Variants in LIN7A observed in about 807,000 individuals in gnomAD.
LIN7A encodes lin-7 cell polarity scaffold A, also known as protein lin-7 homolog A.
In LIN7A, 25 loss-of-function variants were observed where a neutral mutation model predicts 29.8. The ratio of observed to expected loss-of-function variants is 0.84; its 90% CI spans 0.61 to 1.17. The LOEUF (loss-of-function observed/expected upper bound fraction) is 1.17. Among genes scored for constraint, LIN7A ranks in the 50% most tolerant of loss-of-function variants. The pLI is 0.00. For missense variants in LIN7A, 239 were observed against 287.0 expected, an observed-to-expected ratio of 0.83 and a Z score of 1.21; for synonymous variants, 118 against 107.5, an observed-to-expected ratio of 1.10 and a Z score of -0.60.
At chr12:80,857,070 T>C (rs1398913781) in intron 2 of LIN7A, among the ~76,000 whole-genome samples, 1 of 152,170 alleles carries the variant, frequency 6.6e-6, no homozygotes, top group Non-Finnish European at 1.5e-5. Context: ...ATTGATAGTG[T>C]CTCTCAAAGG....
At chr12:80,931,858 CAT>C (rs947697922) in intron 1 of LIN7A, among the ~76,000 whole-genome samples, 9 of 152,250 alleles carry the variant, frequency 5.9e-5, no homozygotes, top group African/African-American at 2.2e-4. Flanking sequence ...GGACAAGAGA[CAT>C]AAAATATAGT....
At position 80,937,748 on chromosome 12, in the gene LIN7A, AAGG is replaced by A. The variant is rs772746210; in HGVS notation, c.-29_-27del. 4 of 1,151,688 alleles carry A rather than the reference AAGG, an allele frequency of 3.5e-6. No individual in the cohort carries two copies. The highest frequency in any genetic ancestry group is 1.7e-5 in the South Asian group (1 of 60,174). 71.3% of individuals were successfully genotyped at this position (1,151,688 alleles called of 1,614,324 possible). On this transcript the variant is annotated 5_prime_UTR_variant, in exon 1 of 6. Coordinates refer to ENST00000552864, the MANE Select transcript of LIN7A (RefSeq NM_004664.4). ...CAGCAACCGCTCGTAGTGAGAAAAA[AAGG>A]AGGAGATTGGGGGCGGGGGTGGAGA...
intron 1 of LIN7A, among the ~76,000 whole-genome samples, chr12:80,918,852 C>A (rs1877154801): frequency 6.6e-6 from 1 of 152,202 alleles, no homozygotes; most frequent in Admixed American, 6.5e-5. Context: ...TGAGGAGCTG[C>A]ATATATGATA....
At chr12:80,856,211 AGAAT>A (rs1427647932) in intron 2 of LIN7A, among the ~76,000 whole-genome samples, 2 of 152,230 alleles carry the variant, frequency 1.3e-5, no homozygotes, top group Non-Finnish European at 1.5e-5. Context: ...CAAGAAGGAT[AGAAT>A]TTCCAGAGTA....
rs1025717468 is a variant in LIN7A, at chr12:80,819,183, C to T, written c.484-7500G>A. Among the ~76,000 whole-genome samples the T allele has an allele frequency of 9.9e-5, 15 of 152,246 alleles. No individual in the cohort carries two copies. The South Asian group carries it at 1.0e-3, about 11-fold the overall frequency. ...TTCTATTATTGTTGTTAATCTCTTA[C>T]TGTGCCTCATTTATAAATTAAACCA... On this transcript the variant is annotated intron_variant, in intron 4 of 5. Coordinates refer to ENST00000552864, the MANE Select transcript of LIN7A (RefSeq NM_004664.4).
At chr12:80,846,378 A>T (rs998001944) in intron 3 of LIN7A, among the ~76,000 whole-genome samples, 1 of 152,196 alleles carries the variant, frequency 6.6e-6, no homozygotes. Flanking sequence ...TGGTGCTTGC[A>T]CATAAAAGTT....
At chr12:80,818,435 G>T (rs1375886291) in intron 4 of LIN7A, among the ~76,000 whole-genome samples, 1 of 152,254 alleles carries the variant, frequency 6.6e-6, no homozygotes, top group Admixed American at 6.5e-5. Flanking sequence ...GTAATGAAAA[G>T]GTTAAGAAAT....
chr12:80,841,604 C>T (rs1207562999), intron 4 of LIN7A: 1 of 152,126 alleles, frequency 6.6e-6, no homozygotes, highest in Non-Finnish European at 1.5e-5. Context: ...TTTAGTTGTT[C>T]CTCCCTGATT....
In LIN7A at chr12:80,810,541, C is replaced by G. The variant is rs967583391; in HGVS notation, c.*924G>C. ...TCATATCTTAGCTGTTGTAATAATG[C>G]TGTATTGAACATGGGAGTGTAAACA... On this transcript the variant is annotated intron_variant, in intron 5 of 5. Coordinates refer to ENST00000552864, the MANE Select transcript of LIN7A (RefSeq NM_004664.4). Among the ~76,000 whole-genome samples, 3 of 152,016 alleles carry G rather than the reference C, an allele frequency of 2.0e-5. No individual in the cohort carries two copies. The East Asian group carries it at 5.8e-4, about 29-fold the overall frequency.
intron 1 of LIN7A, among the ~76,000 whole-genome samples, chr12:80,934,441 A>G (rs1269727585): frequency 6.6e-6 from 1 of 152,192 alleles, no homozygotes; most frequent in African/African-American, 2.4e-5. Context: ...GAAAATCTGT[A>G]ATCACCTTGT....
At chr12:80,936,817 T>C (rs1878250469) in intron 1 of LIN7A, 1 of 152,242 alleles carries the variant, frequency 6.6e-6, no homozygotes, top group African/African-American at 2.4e-5. Flanking sequence ...AGGTCAGAAG[T>C]TGAATTTTAA....
At chr12:80,920,561 G>A (rs757220557) in intron 1 of LIN7A, among the ~76,000 whole-genome samples, 3 of 152,142 alleles carry the variant, frequency 2.0e-5, no homozygotes, top group Non-Finnish European at 4.4e-5. Flanking sequence ...AGCAAAATAG[G>A]CAAAGGCTCA....
At chr12:80,836,324 G>A (rs553104377) in intron 4 of LIN7A, among the ~76,000 whole-genome samples, 1 of 152,212 alleles carries the variant, frequency 6.6e-6, no homozygotes, top group South Asian at 2.1e-4. Context: ...CTTAATCTCA[G>A]TTTAAATGTC....
At chr12:80,936,456 G>T (rs1395645352) in intron 1 of LIN7A, 3 of 152,168 alleles carry the variant, frequency 2.0e-5, no homozygotes, top group Admixed American at 6.5e-5. Context: ...CTTGCCCATC[G>T]TTCAGTTTAA....
At chr12:80,875,974 A>T (rs1160920784) in intron 2 of LIN7A, among the ~76,000 whole-genome samples, 1 of 152,126 alleles carries the variant, frequency 6.6e-6, no homozygotes, top group African/African-American at 2.4e-5. Context: ...CAGAATTGGA[A>T]TCAACATGAC....
At chr12:80,823,590 C>T (rs1371435348) in intron 4 of LIN7A, among the ~76,000 whole-genome samples, 1 of 152,206 alleles carries the variant, frequency 6.6e-6, no homozygotes, top group East Asian at 1.9e-4. Context: ...CCCTGGTAGG[C>T]ACAGGATCCA....
Position 80,794,111 on chromosome 12 carries a change from T to C in LIN7A, c.*3616A>G, listed in dbSNP as rs549837635. ...TAACCATGAAACTTAGAAATCATAGTGACAATCAGTATAATATAAGCTGGT... is the reference window on the plus strand; with the variant it reads ...TAACCATGAAACTTAGAAATCATAGCGACAATCAGTATAATATAAGCTGGT... On this transcript the variant is annotated 3_prime_UTR_variant, in exon 6 of 6. Transcript: ENST00000552864. 6.6e-6 allele frequency: 1 copy of C among 152,332 alleles called. No homozygotes were observed. The highest frequency in any genetic ancestry group is 6.5e-5 in the Admixed American group (1 of 15,298). 9.4% of individuals were successfully genotyped at this position (152,332 alleles called of 1,614,324 possible).
intron 4 of LIN7A, among the ~76,000 whole-genome samples, chr12:80,830,372 C>G (rs1872287571): frequency 6.6e-6 from 1 of 152,064 alleles, no homozygotes; most frequent in Non-Finnish European, 1.5e-5. Context: ...AATTATTCAC[C>G]AAACTCCACC....
chr12:80,814,979 A>G (rs1012587605), intron 4 of LIN7A, among the ~76,000 whole-genome samples: 1 of 152,208 alleles, frequency 6.6e-6, no homozygotes, highest in African/African-American at 2.4e-5. Flanking sequence ...TACAAATTAT[A>G]TAATTAAGCA....
Sources: gnomAD v4.1 joint callset for allele counts (sites outside exome capture counted in the v4.1 genomes callset) on GRCh38, gnomAD v4.1.1 for gene constraint, MANE v1.5 for transcripts, NCBI Gene and HGNC (gene_info 2026-07-23, HGNC 2026-07-21) for gene names.